The following LRCH3 variants were observed in gnomAD, a reference collection of about 807,000 sequenced individuals.
LRCH3 encodes the protein DISP complex protein LRCH3.
Under a neutral mutation model 104.5 loss-of-function variants are expected in LRCH3, and 68 were observed. The observed-to-expected ratio is 0.65, with a 90% CI of 0.54 to 0.80. LRCH3 has a LOEUF of 0.80. Ranked by LOEUF, LRCH3 falls within the 30% of genes least tolerant of loss-of-function variation. LRCH3 has a pLI of 0.00. For missense variants in LRCH3, 951 were observed against 953.9 expected, an observed-to-expected ratio of 1.00 and a Z score of 0.04; for synonymous variants, 344 against 361.3, an observed-to-expected ratio of 0.95 and a Z score of 0.54.
chr3:197,876,248 GA>G (rs1448039759), intron 20 of LRCH3: 3 of 152,278 alleles, frequency 2.0e-5, no homozygotes, highest in African/African-American at 7.2e-5. Flanking sequence ...ACAAACATAG[GA>G]CAGTAATTCA....
chr3:197,882,951 T>C (rs1713915204), intron 20 of LRCH3: 1 of 985,412 alleles, frequency 1.0e-6, no homozygotes, highest in Non-Finnish European at 1.2e-6. Context: ...CCATGAATTA[T>C]TCAAATTAGG....
intron 9 of LRCH3, among the ~76,000 whole-genome samples, chr3:197,836,232 A>G (rs1267192730): frequency 2.0e-5 from 3 of 152,262 alleles, no homozygotes; most frequent in East Asian, 1.9e-4. Flanking sequence ...TTGTGGCAAC[A>G]TGCAGACTTA....
intron 20 of LRCH3, among the ~76,000 whole-genome samples, chr3:197,879,510 G>A (rs111590582): frequency 2.0e-5 from 3 of 148,168 alleles, no homozygotes; most frequent in Non-Finnish European, 2.9e-5. Context: ...GCCGGGCGTG[G>A]TGGCGGGCGC....
At chr3:197,850,726 C>G in intron 12 of LRCH3, 1 of 1,387,558 alleles carries the variant, frequency 7.2e-7, no homozygotes, top group Non-Finnish European at 1.0e-6. Flanking sequence ...TGTGTCCAGC[C>G]CCACTGCTTG....
At chr3:197,816,854 T>G (rs185245690) in intron 2 of LRCH3, among the ~76,000 whole-genome samples, 1 of 152,320 alleles carries the variant, frequency 6.6e-6, no homozygotes, top group African/African-American at 2.4e-5. Context: ...AATGTTACTT[T>G]AATAAAATAA....
chr3:197,817,437 G>T lies in LRCH3; in HGVS notation c.534+135G>T, dbSNP rs1294119589. ...ATACCATAGTCTTTTATATGGCAAA[G>T]ATTTATTATTGATATATGTTTTTGA... On this transcript the variant is annotated intron_variant, in intron 3 of 20. Transcript: ENST00000425562. 19 of 206,444 alleles carry T rather than the reference G, an allele frequency of 9.2e-5. 2 individuals are homozygous for T. Among genetic ancestry groups the T allele is most frequent in the Non-Finnish European group, 1.6e-4 (18 of 114,544 alleles). The allele number at this position is 206,444 out of a possible 1,614,324, so 12.8% of individuals were successfully genotyped here.
At chr3:197,833,364 C>CAAA (rs1736225765) in intron 8 of LRCH3, among the ~76,000 whole-genome samples, 19 of 3,586 alleles carry the variant, frequency 5.3e-3, no homozygotes, top group Admixed American at 7.9e-3. Flanking sequence ...TACTAAAAAC[C>CAAA]GAAAAAAAAA....
rs1392706493 is a variant in LRCH3 at position 197,856,509 on chromosome 3, C to G, written c.1644+2064C>G. Among the ~76,000 whole-genome samples the G allele has an allele frequency of 1.3e-5, 2 of 152,022 alleles. No homozygotes were observed. Among genetic ancestry groups the G allele is most frequent in the African/African-American group, 2.4e-5 (1 of 41,392 alleles). ...ACATGGTTCCTTGAAGCATCAGCCT[C>G]TTGAGTAGCTGGGACTACGGGTGCA... On this transcript the variant is annotated intron_variant, in intron 14 of 20. Transcript: ENST00000425562. The surrounding 1 kb of genome is among the most constrained non-coding windows in gnomAD (Gnocchi z 4.2).
At chr3:197,825,769 G>A (rs907161448) in intron 4 of LRCH3, among the ~76,000 whole-genome samples, 12 of 151,754 alleles carry the variant, frequency 7.9e-5, no homozygotes, top group Non-Finnish European at 1.0e-4. Context: ...TTGAGCCACC[G>A]CGCCCAGCTG....
intron 4 of LRCH3, among the ~76,000 whole-genome samples, chr3:197,825,484 T>G: frequency 9.7e-6 from 1 of 103,156 alleles, no homozygotes; most frequent in Admixed American, 9.8e-5. Flanking sequence ...TTTTTTTTTT[T>G]TTTTTTTTTT....
rs1223214722 is a variant in LRCH3 at position 197,871,612 on chromosome 3, A to G, written c.2130+150A>G. 6 of 1,011,472 alleles carry G rather than the reference A, an allele frequency of 5.9e-6. No individual in the cohort carries two copies. The Admixed American group carries it at 7.2e-5, about 12-fold the overall frequency. 62.7% of individuals were successfully genotyped at this position (1,011,472 alleles called of 1,614,324 possible). ...TTCCTGGTCTCACTTCTACTCGAGA[A>G]GAAATAGACATGTATACAGCTACTT... is the stretch of plus-strand genomic sequence containing the variant. On this transcript the variant is annotated intron_variant, in intron 19 of 20. Transcript: ENST00000425562.
At position 197,827,609 on chromosome 3, in the gene LRCH3, A is replaced by G. The variant is rs527794475; in HGVS notation, c.777+595A>G. ...AAGCCTTGAATTAATGGATTAGAAG[A>G]TAATGTTTCCAGAAGTATTTTTCCT... On this transcript the variant is annotated intron_variant, in intron 5 of 20. Coordinates refer to ENST00000425562, the MANE Select transcript of LRCH3 (RefSeq NM_001365715.1). 9.2e-5 allele frequency among the ~76,000 whole-genome samples: 14 copies of G among 152,338 alleles called. No individual in the cohort carries two copies. In the South Asian group the frequency reaches 2.9e-3, roughly 32 times the overall value.
At chr3:197,846,173 G>C (rs1024425834) in intron 10 of LRCH3, among the ~76,000 whole-genome samples, 2 of 152,010 alleles carry the variant, frequency 1.3e-5, no homozygotes, top group Non-Finnish European at 2.9e-5. Flanking sequence ...GGCCTCGGTG[G>C]GTGGATCACT....
chr3:197,864,857 C>CA (rs1399101943), intron 15 of LRCH3, among the ~76,000 whole-genome samples: 1 of 151,268 alleles, frequency 6.6e-6, no homozygotes, highest in African/African-American at 2.4e-5. Context: ...ACTGTCTCTA[C>CA]AAAAAATGCA....
intron 7 of LRCH3, among the ~76,000 whole-genome samples, chr3:197,831,963 G>A (rs1464760419): frequency 1.3e-5 from 2 of 152,058 alleles, no homozygotes; most frequent in East Asian, 1.9e-4. Context: ...CGCACAGGCT[G>A]GAGTGCAGTG....
At chr3:197,796,424 A>G (rs1731216155) in intron 1 of LRCH3, among the ~76,000 whole-genome samples, 5 of 152,232 alleles carry the variant, frequency 3.3e-5, no homozygotes, top group Admixed American at 1.3e-4. Flanking sequence ...CTGTGAGGGA[A>G]TGAAATCCTG....
At chr3:197,813,336 A>G (rs558412409) in intron 1 of LRCH3, among the ~76,000 whole-genome samples, 1 of 151,986 alleles carries the variant, frequency 6.6e-6, no homozygotes, top group African/African-American at 2.4e-5. Context: ...TGAATCTCAC[A>G]GTAATTAATT....
At chr3:197,855,338 T>C (rs1675441786) in intron 14 of LRCH3, among the ~76,000 whole-genome samples, 1 of 152,234 alleles carries the variant, frequency 6.6e-6, no homozygotes, top group African/African-American at 2.4e-5. Context: ...TCTAGAGTTT[T>C]AGTTTAAGTG....
intron 12 of LRCH3, chr3:197,850,370 C>CTTTTT: frequency 5.6e-6 from 4 of 710,368 alleles, no homozygotes; most frequent in Non-Finnish European, 6.2e-6. Context: ...TTTTTTTTTC[C>CTTTTT]TTTTAATTAC....
Sources: allele counts gnomAD v4.1 joint callset (sites outside exome capture counted in the v4.1 genomes callset), GRCh38; gene constraint gnomAD v4.1.1; non-coding constraint Gnocchi (gnomAD v3.1); transcripts MANE v1.5; gene names NCBI Gene and HGNC (gene_info 2026-07-23, HGNC 2026-07-21).